The following C11orf65 variants were observed in gnomAD, a reference collection of about 807,000 sequenced individuals.
C11orf65 encodes chromosome 11 open reading frame 65.
C11orf65 carries 38 observed loss-of-function variants against 35.3 expected under a neutral mutation model. That is an observed-to-expected ratio of 1.08 (90% CI 0.83 to 1.41). C11orf65 has a LOEUF of 1.41. Ranked by LOEUF, C11orf65 falls within the 40% of genes most tolerant of loss-of-function variation. The pLI is 0.00. For missense variants in C11orf65, 370 were observed against 367.1 expected (o/e 1.01, Z -0.06); for synonymous variants, 105 against 114.4 (o/e 0.92, Z 0.53).
In C11orf65 at chr11:108,404,586, C is replaced by CTTT. The variant is rs71047693; in HGVS notation, c.560+840_560+842dup. Among the ~76,000 whole-genome samples the CTTT allele has an allele frequency of 5.3e-3, 727 of 136,554 alleles. 8 individuals are homozygous for CTTT. Among genetic ancestry groups the CTTT allele is most frequent in the African/African-American group, 0.014 (512 of 36,814 alleles). The allele number at this position is 136,554 out of a possible 152,430, so 89.6% of individuals were successfully genotyped here. ...CCAAGCCCGGCTAATTTTTTCTTTT[C>CTTT]TTTTTTTTTTTTTTTGGATTTTTAA... On this transcript the variant is annotated intron_variant, in intron 6 of 8. Coordinates refer to ENST00000393084, the MANE Select transcript of C11orf65 (RefSeq NM_152587.5).
At chr11:108,363,283 T>C (rs903545213) in intron 2 of C11orf65, among the ~76,000 whole-genome samples, 2 of 152,200 alleles carry the variant, frequency 1.3e-5, no homozygotes, top group Admixed American at 6.5e-5. Context: ...ATTTCTGAAC[T>C]GATCTCCCCG....
At chr11:108,384,279 G>A (rs991458680) in intron 8 of C11orf65, among the ~76,000 whole-genome samples, 8 of 152,184 alleles carry the variant, frequency 5.3e-5, no homozygotes, top group African/African-American at 1.9e-4. Context: ...AACTTGGGCT[G>A]AGTGGGTGGC....
intron 2 of C11orf65, among the ~76,000 whole-genome samples, chr11:108,349,484 G>A (rs942695358): frequency 6.6e-6 from 1 of 152,146 alleles, no homozygotes; most frequent in African/African-American, 2.4e-5. Flanking sequence ...CCAACATGGT[G>A]AAACCCCATC....
intron 6 of C11orf65, among the ~76,000 whole-genome samples, chr11:108,321,890 T>C (rs1173144318): frequency 1.3e-5 from 2 of 152,226 alleles, no homozygotes; most frequent in African/African-American, 4.8e-5. Flanking sequence ...TTAAACATTT[T>C]CCAAAATAGT....
At chr11:108,331,760 C>A in intron 3 of C11orf65, 1 of 1,330,624 alleles carries the variant, frequency 7.5e-7, no homozygotes, top group Non-Finnish European at 1.0e-6. Context: ...TGCAGGCATA[C>A]ACGCTCTACC....
chr11:108,354,068 C>A (rs200206877), intron 2 of C11orf65, among the ~76,000 whole-genome samples: 1 of 114,502 alleles, frequency 8.7e-6, no homozygotes, highest in South Asian at 2.7e-4. Context: ...TACACACACA[C>A]AAACACACAC....
intron 6 of C11orf65, 74 bp downstream of exon 6, chr11:108,405,355 G>T: frequency 6.7e-7 from 1 of 1,493,688 alleles, no homozygotes. Context: ...CTTGTGAGGA[G>T]CAATACCTCA....
chr11:108,397,716 T>C (rs566147667), intron 6 of C11orf65, among the ~76,000 whole-genome samples: 2 of 152,268 alleles, frequency 1.3e-5, no homozygotes, highest in African/African-American at 2.4e-5. Context: ...CAAAGTAAAA[T>C]TTCTCATTCA....
chr11:108,317,057 C>A (rs2084726058), intron 6 of C11orf65, among the ~76,000 whole-genome samples: 1 of 151,484 alleles, frequency 6.6e-6, no homozygotes. Flanking sequence ...CTTCAGCCAC[C>A]CAAGTAGCTG....
chr11:108,397,318 CA>C (rs375819570), intron 6 of C11orf65, among the ~76,000 whole-genome samples: 1,588 of 87,154 alleles, frequency 0.018, 12 homozygotes, highest in Middle Eastern at 0.05. Flanking sequence ...GACTCTTTCT[CA>C]AAAAAAAAAA....
intron 2 of C11orf65, among the ~76,000 whole-genome samples, chr11:108,443,614 A>C (rs2093197989): frequency 6.6e-6 from 1 of 152,138 alleles, no homozygotes; most frequent in Non-Finnish European, 1.5e-5. Context: ...ATTATAACAA[A>C]CTGTCTCTCA....
intron 2 of C11orf65, among the ~76,000 whole-genome samples, chr11:108,359,911 TCAAAAGTTAG>T (rs2090498374): frequency 6.6e-6 from 1 of 151,892 alleles, no homozygotes; most frequent in Non-Finnish European, 1.5e-5. Context: ...GCAAACACAT[TCAAAAGTTAG>T]CAGAAGGCAA....
At chr11:108,441,296 C>T (rs2093149762) in intron 2 of C11orf65, among the ~76,000 whole-genome samples, 1 of 152,208 alleles carries the variant, frequency 6.6e-6, no homozygotes, top group South Asian at 2.1e-4. Flanking sequence ...ATTGCTGAGG[C>T]TTGAGTAGGT....
chr11:108,348,032 T>C (rs988669336), intron 2 of C11orf65, among the ~76,000 whole-genome samples: 1 of 152,136 alleles, frequency 6.6e-6, no homozygotes, highest in Admixed American at 6.5e-5. Flanking sequence ...ACCAGTGATA[T>C]TAGATGAGGA....
intron 3 of C11orf65, among the ~76,000 whole-genome samples, chr11:108,416,026 T>C (rs1193975891): frequency 6.6e-6 from 1 of 152,106 alleles, no homozygotes; most frequent in African/African-American, 2.4e-5. Context: ...TCTTAGAAGA[T>C]AACATAGGAG....
At chr11:108,361,737 C>T (rs227095) in intron 2 of C11orf65, among the ~76,000 whole-genome samples, 73,745 of 150,718 alleles carry the variant, frequency 0.49, 19,558 homozygotes, top group Middle Eastern at 0.73. Flanking sequence ...GGAAAACTGG[C>T]TAGCCATATG....
Position 108,319,978 on chromosome 11 carries a change from C to G in C11orf65, c.641-10907G>C, listed in dbSNP as rs904589402. On this transcript the variant is annotated intron_variant, in intron 6 of 6. Coordinates refer to the C11orf65 transcript ENST00000525729. ...GCAAAGAAGTAGAAGGAACCAGTTA[C>G]CATGAATCATTGTACAATGCTCTAC... 6.2e-7 allele frequency: 1 copy of G among 1,612,306 alleles called. No individual in the cohort carries two copies. The highest frequency in any genetic ancestry group is 1.7e-4 in the Middle Eastern group (1 of 6,056).
chr11:108,372,054 T>C (rs527809054), intron 2 of C11orf65, among the ~76,000 whole-genome samples: 15 of 152,348 alleles, frequency 9.8e-5, no homozygotes, highest in Non-Finnish European at 1.9e-4. Flanking sequence ...ATTCTGTGTA[T>C]TGTTGTTAAC....
At chr11:108,405,636 CTA>C in intron 5 of C11orf65, 77 bp from the exon 6 acceptor site, 1 of 1,423,232 alleles carries the variant, frequency 7.0e-7, no homozygotes, top group Non-Finnish European at 9.8e-7. Flanking sequence ...ACAAGAACTT[CTA>C]TGTGTTCAGT....
Sources: allele counts gnomAD v4.1 joint callset (sites outside exome capture counted in the v4.1 genomes callset), GRCh38; gene constraint gnomAD v4.1.1; transcripts MANE v1.5; gene names NCBI Gene and HGNC (gene_info 2026-07-23, HGNC 2026-07-21).